The following CADPS variants were observed in gnomAD, a reference collection of about 807,000 sequenced individuals.
The protein encoded by CADPS is calcium dependent secretion activator.
In CADPS, 57 loss-of-function variants were observed where a neutral mutation model predicts 167.3. The observed-to-expected ratio is 0.34, with a 90% CI of 0.28 to 0.42. CADPS has a LOEUF of 0.42. CADPS is among the 20% of genes least tolerant of loss of function. The pLI is 1.00. For synonymous variants in CADPS, 676 were observed against 635.3 expected, an observed-to-expected ratio of 1.06 and a Z score of -0.96; for missense variants, 1,414 against 1,738.1, an observed-to-expected ratio of 0.81 and a Z score of 3.32.
intron 3 of CADPS, among the ~76,000 whole-genome samples, chr3:62,707,886 G>A (rs9846349): frequency 6.6e-6 from 1 of 151,360 alleles, no homozygotes; most frequent in Non-Finnish European, 1.5e-5. Flanking sequence ...AACAGTGTTG[G>A]TATAAGGAGA....
At chr3:62,661,416 C>T (rs1265412750) in intron 4 of CADPS, among the ~76,000 whole-genome samples, 1 of 152,008 alleles carries the variant, frequency 6.6e-6, no homozygotes, top group Non-Finnish European at 1.5e-5. Context: ...GGTTGAGACA[C>T]CAGTGGGTAT....
At chr3:62,658,284 T>C (rs144850594) in intron 4 of CADPS, among the ~76,000 whole-genome samples, 2 of 152,106 alleles carry the variant, frequency 1.3e-5, no homozygotes, top group African/African-American at 2.4e-5. Flanking sequence ...TTTATGTGAA[T>C]TGCACAGCCA....
chr3:62,675,313 C>T (rs952260550), intron 3 of CADPS, among the ~76,000 whole-genome samples: 3 of 151,920 alleles, frequency 2.0e-5, no homozygotes, highest in Non-Finnish European at 4.4e-5. Context: ...AGTGTGTCTG[C>T]CTCAAAAAAG....
intron 28 of CADPS, among the ~76,000 whole-genome samples, chr3:62,435,465 A>T (rs1308613264): frequency 2.6e-5 from 4 of 152,232 alleles, no homozygotes; most frequent in Non-Finnish European, 5.9e-5. Context: ...CTAAGGCTGC[A>T]TGGTAATGAA....
At chr3:62,652,640 A>T (rs1472853333) in intron 4 of CADPS, among the ~76,000 whole-genome samples, 1 of 152,014 alleles carries the variant, frequency 6.6e-6, no homozygotes, top group Non-Finnish European at 1.5e-5. Flanking sequence ...CTTAACAAAG[A>T]AGAGAGAGAA....
At chr3:62,547,620 GT>G (rs1262125835) in intron 11 of CADPS, among the ~76,000 whole-genome samples, 1 of 122,332 alleles carries the variant, frequency 8.2e-6, no homozygotes, top group Non-Finnish European at 1.6e-5. Flanking sequence ...ACTCTTAGGA[GT>G]TTGCTTTGGA....
intron 2 of CADPS, among the ~76,000 whole-genome samples, chr3:62,762,518 A>G (rs1374934116): frequency 1.3e-5 from 2 of 151,990 alleles, no homozygotes; most frequent in African/African-American, 4.8e-5. Flanking sequence ...TTAGTCTGGC[A>G]TGGTGGCATG....
intron 1 of CADPS, among the ~76,000 whole-genome samples, chr3:62,805,903 A>G (rs1013151905): frequency 1.3e-5 from 2 of 152,268 alleles, no homozygotes; most frequent in East Asian, 3.9e-4. Flanking sequence ...GTTCTTGTTC[A>G]GTGGCCTGTC....
At chr3:62,738,176 G>A (rs1575662598) in intron 3 of CADPS, among the ~76,000 whole-genome samples, 2 of 152,068 alleles carry the variant, frequency 1.3e-5, no homozygotes, top group Admixed American at 6.6e-5. Flanking sequence ...TTTCTATGAG[G>A]TTTTGCTGAT....
At chr3:62,653,818 G>C (rs1017202088) in intron 4 of CADPS, among the ~76,000 whole-genome samples, 2 of 152,026 alleles carry the variant, frequency 1.3e-5, no homozygotes, top group Non-Finnish European at 2.9e-5. Flanking sequence ...AAATATGGGG[G>C]TCTGAAATCC....
chr3:62,603,673 A>G (rs2060284887), intron 6 of CADPS, among the ~76,000 whole-genome samples: 1 of 152,138 alleles, frequency 6.6e-6, no homozygotes, highest in East Asian at 1.9e-4. Context: ...ATTCTTTCTT[A>G]GAGCTTCCAT....
chr3:62,653,672 G>A lies in CADPS; in HGVS notation c.970-2592C>T, dbSNP rs2150270041. 1.3e-5 allele frequency among the ~76,000 whole-genome samples: 2 copies of A among 152,214 alleles called. 1 individual carries two copies. Among genetic ancestry groups the A allele is most frequent in the Middle Eastern group, 6.8e-3 (2 of 294 alleles). ...TAAGTATTCAATACATATGAATTGAGTGAATAGATCAATGACTTGTCAAAA... is the reference window on the plus strand; with the variant it reads ...TAAGTATTCAATACATATGAATTGAATGAATAGATCAATGACTTGTCAAAA... On this transcript the variant is annotated intron_variant, in intron 4 of 29. Coordinates refer to ENST00000383710, the MANE Select transcript of CADPS (RefSeq NM_003716.4).
intron 11 of CADPS, among the ~76,000 whole-genome samples, chr3:62,545,531 A>T (rs947145446): frequency 4.6e-5 from 7 of 152,164 alleles, no homozygotes; most frequent in Non-Finnish European, 1.0e-4. Context: ...AAAAACTACA[A>T]AAGAACAAAA....
chr3:62,584,624 T>G (rs1219828667), intron 8 of CADPS, among the ~76,000 whole-genome samples: 1 of 152,252 alleles, frequency 6.6e-6, no homozygotes, highest in Non-Finnish European at 1.5e-5. Context: ...ATTTGGCATC[T>G]TACCTATTCT....
chr3:62,767,960 T>A (rs2087368681), intron 1 of CADPS, among the ~76,000 whole-genome samples: 1 of 152,192 alleles, frequency 6.6e-6, no homozygotes, highest in Non-Finnish European at 1.5e-5. Flanking sequence ...CCGTACAACA[T>A]ATCTCAATTC....
At chr3:62,456,940 C>T (rs958023461) in intron 26 of CADPS, among the ~76,000 whole-genome samples, 2 of 152,076 alleles carry the variant, frequency 1.3e-5, no homozygotes, top group African/African-American at 2.4e-5. Context: ...AGGAGCCAAG[C>T]AGACTCTAGC....
intron 1 of CADPS, among the ~76,000 whole-genome samples, chr3:62,780,272 G>C (rs2091312975): frequency 6.6e-6 from 1 of 152,114 alleles, no homozygotes; most frequent in East Asian, 1.9e-4. Flanking sequence ...CAAAAAATTA[G>C]CCAGGCATAG....
chr3:62,505,684 T>A (rs2066547097), intron 17 of CADPS, among the ~76,000 whole-genome samples: 1 of 152,224 alleles, frequency 6.6e-6, no homozygotes, highest in South Asian at 2.1e-4. Flanking sequence ...GGGTTATGCC[T>A]TCATATGCCA....
intron 3 of CADPS, among the ~76,000 whole-genome samples, chr3:62,681,161 CCTGT>C (rs1039326596): frequency 5.2e-4 from 79 of 152,166 alleles, no homozygotes; most frequent in African/African-American, 1.9e-3. Context: ...GTGCTGTTGC[CCTGT>C]CTAACAGACT....
Sources: allele counts gnomAD v4.1 joint callset (sites outside exome capture counted in the v4.1 genomes callset), GRCh38; gene constraint gnomAD v4.1.1; transcripts MANE v1.5; gene names NCBI Gene and HGNC (gene_info 2026-07-23, HGNC 2026-07-21).